FAT3: variants seen among roughly 807,000 people sequenced by gnomAD.
FAT3 encodes protocadherin Fat 3.
In FAT3, 95 loss-of-function variants were observed where a neutral mutation model predicts 310.2. The ratio of observed to expected loss-of-function variants is 0.31; its 90% confidence interval spans 0.26 to 0.36. The LOEUF (loss-of-function observed/expected upper bound fraction) is 0.36, where lower values mean the gene tolerates loss of function less well. Among genes scored for constraint, FAT3 ranks in the 10% least tolerant of loss-of-function variants. The probability of loss-of-function intolerance (pLI) is 1.00; values close to 1 mark genes in which losing one functional copy is unlikely to be tolerated. For synonymous variants in FAT3, 2,314 were observed against 2,192.9 expected (o/e 1.06, Z -1.54); for missense variants, 5,408 against 5,715.6 (o/e 0.95, Z 1.74).
chr11:92,858,359 G>T (rs2136325015), intron 20 of FAT3, among the ~76,000 whole-genome samples: 1 of 152,270 alleles, frequency 6.6e-6, no homozygotes, highest in East Asian at 1.9e-4. Flanking sequence ...TGGGTAGGGG[G>T]ATCATAAAGC....
At chr11:92,730,204 G>A (rs1945136029) in intron 4 of FAT3, among the ~76,000 whole-genome samples, 1 of 152,082 alleles carries the variant, frequency 6.6e-6, no homozygotes, top group South Asian at 2.1e-4. Context: ...CAGTCATGGT[G>A]GCTCATGCCT....
At chr11:92,837,236 T>C (rs1948430669) in intron 16 of FAT3, among the ~76,000 whole-genome samples, 1 of 152,192 alleles carries the variant, frequency 6.6e-6, no homozygotes, top group South Asian at 2.1e-4. Context: ...CTCTACTGGG[T>C]GATACATGCT....
chr11:92,261,383 CTGAA>C (rs984467357), intron 1 of FAT3, among the ~76,000 whole-genome samples: 3 of 152,050 alleles, frequency 2.0e-5, no homozygotes, highest in African/African-American at 7.2e-5. Context: ...TGTTTGTAGA[CTGAA>C]TGAATTAAAA....
chr11:92,772,212 G>T (rs952802895), intron 6 of FAT3, among the ~76,000 whole-genome samples: 9 of 152,080 alleles, frequency 5.9e-5, no homozygotes, highest in Non-Finnish European at 1.2e-4. Context: ...GATTTAAAAT[G>T]GGATTTAATA....
At chr11:92,480,544 C>T (rs1952193848) in intron 2 of FAT3, among the ~76,000 whole-genome samples, 1 of 152,206 alleles carries the variant, frequency 6.6e-6, no homozygotes, top group Non-Finnish European at 1.5e-5. Flanking sequence ...TTGTGTTCCA[C>T]TACCCTAGTG....
intron 7 of FAT3, among the ~76,000 whole-genome samples, chr11:92,776,754 A>G (rs1946608785): frequency 6.6e-6 from 1 of 152,188 alleles, no homozygotes; most frequent in Non-Finnish European, 1.5e-5. Flanking sequence ...TCTTGTCTAA[A>G]GTATTCAAGT....
chr11:92,570,499 G>A (rs1955633976), intron 3 of FAT3, among the ~76,000 whole-genome samples: 1 of 152,058 alleles, frequency 6.6e-6, no homozygotes, highest in African/African-American at 2.4e-5. Flanking sequence ...AGTGGAATGG[G>A]CCCTTGTATA....
intron 1 of FAT3, among the ~76,000 whole-genome samples, chr11:92,313,599 G>A (rs548297837): frequency 4.6e-5 from 7 of 152,168 alleles, no homozygotes; most frequent in South Asian, 2.1e-4. Flanking sequence ...TCACCCTGTC[G>A]CCCAGGCTAG....
intron 1 of FAT3, among the ~76,000 whole-genome samples, chr11:92,338,748 G>C (rs902725568): frequency 1.3e-5 from 2 of 152,152 alleles, no homozygotes; most frequent in Admixed American, 6.5e-5. Context: ...ATTAGTCCTT[G>C]GGAACAAACG....
intron 1 of FAT3, among the ~76,000 whole-genome samples, chr11:92,333,031 C>T (rs922252670): frequency 5.3e-5 from 8 of 152,208 alleles, no homozygotes; most frequent in African/African-American, 1.7e-4. Flanking sequence ...GTGATCTCAG[C>T]GTTAAAAAAC....
In FAT3 at chr11:92,336,469, C is replaced by T. The variant is rs1237521290; in HGVS notation, c.-17-15627C>T. The T allele has an allele frequency of 1.2e-4, 36 of 289,112 alleles. 1 individual carries two copies. The Admixed American group carries it at 1.6e-3, about 12-fold the overall frequency. The allele number at this position is 289,112 out of a possible 1,614,324, so 17.9% of individuals were successfully genotyped here. A position where few individuals can be genotyped will look rare whatever the true frequency, so the allele number is the denominator to read the frequency against. The stretch of plus-strand genomic sequence containing the variant: ...ACCACTGCCGCCAAAAGACTGGGAG[C>T]GCTCAAACTTAACAGCCCAACTGCC... On this transcript the variant is annotated intron_variant, in intron 1 of 27. Transcript: ENST00000525166.
At chr11:92,595,552 GTCTT>G (rs1434401373) in intron 3 of FAT3, among the ~76,000 whole-genome samples, 1 of 152,108 alleles carries the variant, frequency 6.6e-6, no homozygotes, top group African/African-American at 2.4e-5. Context: ...GTTGAATTTG[GTCTT>G]TCTTTGATTG....
In FAT3 at chr11:92,799,220, G is replaced by C; in HGVS notation, c.6207G>C (p.Val2069=). 1 of 1,613,900 alleles carries C rather than the reference G, an allele frequency of 6.2e-7. No individual in the cohort carries two copies. The highest frequency in any genetic ancestry group is 2.2e-5 in the East Asian group (1 of 44,864). Residue 2069 remains valine, a synonymous_variant, in exon 10 of 28, where the codon GTG becomes GTC. Coordinates refer to ENST00000525166, the MANE Select transcript of FAT3 (RefSeq NM_001367949.2). The part of the protein sequence containing the change: ...ELDHLRVARV[V]VRVNIEDIND... ...ACCATCTGCGTGTGGCCAGAGTGGT[G>C]GTCAGGGTTAACATTGAAGACATAA...
At chr11:92,696,661 T>A (rs1943949963) in intron 3 of FAT3, among the ~76,000 whole-genome samples, 1 of 152,318 alleles carries the variant, frequency 6.6e-6, no homozygotes, top group South Asian at 2.1e-4. Context: ...TAATAAAACC[T>A]GCAAAAGACA....
chr11:92,264,490 G>A (rs893178975), intron 1 of FAT3, among the ~76,000 whole-genome samples: 1 of 152,174 alleles, frequency 6.6e-6, no homozygotes, highest in African/African-American at 2.4e-5. Flanking sequence ...GCCTTGTAGA[G>A]CAAACTGTGC....
intron 3 of FAT3, among the ~76,000 whole-genome samples, chr11:92,667,737 T>C (rs907407161): frequency 1.3e-5 from 2 of 152,290 alleles, no homozygotes; most frequent in Non-Finnish European, 1.5e-5. Context: ...TTCCCAGTCA[T>C]GAATGAGGAA....
At chr11:92,532,802 C>T (rs900337625) in intron 3 of FAT3, among the ~76,000 whole-genome samples, 1 of 151,966 alleles carries the variant, frequency 6.6e-6, no homozygotes. Flanking sequence ...AGCCTTCTGA[C>T]GGATCAATAT....
intron 3 of FAT3, among the ~76,000 whole-genome samples, chr11:92,525,966 A>T (rs1953847707): frequency 6.6e-6 from 1 of 152,220 alleles, no homozygotes; most frequent in Admixed American, 6.5e-5. Context: ...TAAGAAAGAA[A>T]ATTATTGATT....
chr11:92,443,266 T>C (rs1951122146), intron 2 of FAT3, among the ~76,000 whole-genome samples: 1 of 152,184 alleles, frequency 6.6e-6, no homozygotes, highest in Non-Finnish European at 1.5e-5. Flanking sequence ...TTTCCTAATT[T>C]AGCACAGCTG....
Sources: allele counts gnomAD v4.1 joint callset (sites outside exome capture counted in the v4.1 genomes callset), GRCh38; gene constraint gnomAD v4.1.1; transcripts MANE v1.5; gene names NCBI Gene and HGNC (gene_info 2026-07-23, HGNC 2026-07-21).